JAKMIP3: variants seen among roughly 807,000 people sequenced by gnomAD.
JAKMIP3 encodes the protein janus kinase and microtubule-interacting protein 3.
Under a neutral mutation model 118.5 loss-of-function variants are expected in JAKMIP3, and 58 were observed. That is an observed-to-expected ratio of 0.49 (90% CI 0.40 to 0.61). The LOEUF (loss-of-function observed/expected upper bound fraction) is 0.61. JAKMIP3 is among the 20% of genes least tolerant of loss of function. The pLI is 0.00. For missense variants in JAKMIP3, 950 were observed against 1,109.0 expected, an observed-to-expected ratio of 0.86 and a Z score of 2.04; for synonymous variants, 486 against 451.2, an observed-to-expected ratio of 1.08 and a Z score of -0.98.
chr10:132,136,991 T>C, intron 6 of JAKMIP3, 28 bp from the exon 7 acceptor site: 1 of 1,607,250 alleles, frequency 6.2e-7, no homozygotes, highest in African/African-American at 1.3e-5. Flanking sequence ...ACTCCCCAAC[T>C]TGTGATGTGG....
chr10:132,180,237 C>T (rs1590056083), intron 23 of JAKMIP3, among the ~76,000 whole-genome samples: 3 of 152,166 alleles, frequency 2.0e-5, no homozygotes, highest in Non-Finnish European at 4.4e-5. Context: ...GGCCTGTCCA[C>T]AGAGACACTC....
rs10870253 is a variant in JAKMIP3, at chr10:132,104,962, T to C, written c.135+19T>C. On this transcript the variant is annotated intron_variant, in intron 2 of 23. Coordinates refer to ENST00000684848, the MANE Select transcript of JAKMIP3 (RefSeq NM_001323087.2). ...GAGCAAGGTGGGCGCTCCCCAGACC[T>C]CCACCCTTGAATGTCCCTCCCTCCT... The C allele has an allele frequency of 0.38, 593,769 of 1,573,058 alleles. 114,950 individuals carry two copies. The highest frequency in any genetic ancestry group is 0.5 in the East Asian group (21,126 of 42,322).
chr10:132,097,244 C>T (rs562334154), intron 1 of JAKMIP3, among the ~76,000 whole-genome samples: 4 of 152,316 alleles, frequency 2.6e-5, no homozygotes, highest in African/African-American at 4.8e-5. Flanking sequence ...AATGGTTCAG[C>T]GCCAGGTATC....
At chr10:132,041,165 C>T (rs776725983) in intron 1 of JAKMIP3, among the ~76,000 whole-genome samples, 89 of 152,222 alleles carry the variant, frequency 5.8e-4, no homozygotes, top group Non-Finnish European at 1.1e-3. Context: ...AAGCGACTCT[C>T]ATGCCTCAGC....
chr10:132,109,464 C>T (rs2046511226), intron 2 of JAKMIP3, among the ~76,000 whole-genome samples: 1 of 152,220 alleles, frequency 6.6e-6, no homozygotes, highest in African/African-American at 2.4e-5. Flanking sequence ...GCCCGGCTGC[C>T]TGCCCTTGTT....
chr10:132,116,381 GCA>G (rs2047657485), intron 2 of JAKMIP3, among the ~76,000 whole-genome samples: 6 of 150,134 alleles, frequency 4.0e-5, no homozygotes, highest in East Asian at 2.0e-4. Context: ...GTGAGTGTGT[GCA>G]TCATGGACAC....
intron 1 of JAKMIP3, among the ~76,000 whole-genome samples, chr10:132,087,040 T>A (rs1364999743): frequency 6.6e-6 from 1 of 152,220 alleles, no homozygotes; most frequent in Non-Finnish European, 1.5e-5. Flanking sequence ...CTTTAGCAGT[T>A]CTTGTAGTGC....
intron 3 of JAKMIP3, among the ~76,000 whole-genome samples, chr10:132,126,013 G>A (rs1274869202): frequency 6.6e-6 from 1 of 152,076 alleles, no homozygotes; most frequent in Non-Finnish European, 1.5e-5. Flanking sequence ...CAGTCCTCCC[G>A]CCTCACGTCC....
intron 1 of JAKMIP3, among the ~76,000 whole-genome samples, chr10:132,046,194 C>T (rs1271701142): frequency 1.3e-5 from 2 of 152,272 alleles, no homozygotes; most frequent in South Asian, 2.1e-4. Flanking sequence ...GTGGCTCATG[C>T]CTGTAATCCC....
At chr10:132,152,195 C>G (rs552195819) in intron 16 of JAKMIP3, among the ~76,000 whole-genome samples, 1 of 152,214 alleles carries the variant, frequency 6.6e-6, no homozygotes, top group Non-Finnish European at 1.5e-5. Context: ...TGACTCCCCC[C>G]TGTGGGAGAC....
intron 1 of JAKMIP3, among the ~76,000 whole-genome samples, chr10:132,101,011 A>G (rs1420241855): frequency 1.3e-5 from 2 of 152,130 alleles, no homozygotes; most frequent in Non-Finnish European, 2.9e-5. Context: ...ATCAGTTCCC[A>G]GATTGGTGCT....
chr10:132,111,885 C>T (rs1420033446), intron 2 of JAKMIP3, among the ~76,000 whole-genome samples: 4 of 152,202 alleles, frequency 2.6e-5, no homozygotes, highest in Admixed American at 2.0e-4. Flanking sequence ...CTCAGAGGTC[C>T]GTGCCATGGC....
intron 1 of JAKMIP3, among the ~76,000 whole-genome samples, chr10:132,079,154 C>T (rs1262594673): frequency 4.9e-5 from 4 of 81,494 alleles, no homozygotes; most frequent in Non-Finnish European, 6.4e-5. Context: ...TGGGAGCGGA[C>T]GGCCCAGCCC....
At chr10:132,122,291 G>T in intron 3 of JAKMIP3, among the ~76,000 whole-genome samples, 1 of 151,918 alleles carries the variant, frequency 6.6e-6, no homozygotes, top group African/African-American at 2.4e-5. Context: ...GGCCCTGACT[G>T]CCCCCCGGTC....
At chr10:132,170,231 G>A (rs997779862) in intron 23 of JAKMIP3, 2 of 152,276 alleles carry the variant, frequency 1.3e-5, no homozygotes, top group Admixed American at 6.5e-5. Context: ...CTAACTGTGC[G>A]GCAAGGACAG....
chr10:132,117,193 G>A lies in JAKMIP3; in HGVS notation c.252G>A (p.Met84Ile), dbSNP rs1400030806. ...AGACAAAGCTGCACGAGGAGAAGAT[G>A]AAGGAGCTACAGGCTGTGCGTGAGA... ...ELKTKLHEEK[M>I]KELQAVRETL... is the part of the protein sequence containing the mutation. The change falls in exon 3 of 24, where the codon ATG (methionine) becomes ATA (isoleucine). Residue 84 changes from methionine to isoleucine, a missense_variant. Transcript: ENST00000684848. This position sits in a 1 kb window ranked among gnomAD's most constrained non-coding sequence, Gnocchi z 8.6. 1 of 1,613,988 alleles carries A rather than the reference G, an allele frequency of 6.2e-7. No individual in the cohort carries two copies. Among genetic ancestry groups the A allele is most frequent in the South Asian group, 1.1e-5 (1 of 91,092 alleles).
chr10:132,135,401 C>T (rs921158154), intron 5 of JAKMIP3, among the ~76,000 whole-genome samples: 5 of 152,304 alleles, frequency 3.3e-5, no homozygotes, highest in South Asian at 2.1e-4. Flanking sequence ...GGGCAGAAGC[C>T]GCCTCTGTTC....
upstream of JAKMIP3, among the ~76,000 whole-genome samples, chr10:132,063,004 G>A (rs1421056321): frequency 2.0e-5 from 3 of 152,200 alleles, no homozygotes; most frequent in African/African-American, 4.8e-5. Context: ...TGGACCCGCC[G>A]GGTCTGAGAG....
At chr10:132,162,871 C>T (rs147410124) in intron 19 of JAKMIP3, among the ~76,000 whole-genome samples, 5 of 152,162 alleles carry the variant, frequency 3.3e-5, no homozygotes, top group African/African-American at 9.6e-5. Flanking sequence ...CCACACTCAG[C>T]TCCCTCCCAC....
Sources: gnomAD v4.1 joint callset for allele counts (sites outside exome capture counted in the v4.1 genomes callset) on GRCh38, gnomAD v4.1.1 for gene constraint, Gnocchi (gnomAD v3.1) non-coding constraint, MANE v1.5 for transcripts, NCBI Gene and HGNC (gene_info 2026-07-23, HGNC 2026-07-21) for gene names.